Variants in CACNA1D observed in about 807,000 individuals in gnomAD.
The protein encoded by CACNA1D is calcium voltage-gated channel subunit alpha1 D, also known as voltage-dependent L-type calcium channel subunit alpha-1D.
A neutral mutation model predicts 257.1 loss-of-function variants in CACNA1D; 55 were observed. That is an observed-to-expected ratio of 0.21 (90% CI 0.17 to 0.27). CACNA1D has a LOEUF of 0.27. Ranked by LOEUF, CACNA1D falls within the 10% of genes least tolerant of loss-of-function variation. CACNA1D has a pLI of 1.00. For missense variants in CACNA1D, 1,876 were observed against 2,784.0 expected (o/e 0.67, Z 7.34); for synonymous variants, 980 against 1,014.9 (o/e 0.97, Z 0.65).
intron 23 of CACNA1D, 115 bp from the exon 24 acceptor site, chr3:53,745,509 G>A: frequency 1.4e-6 from 1 of 700,998 alleles, no homozygotes; most frequent in Non-Finnish European, 2.6e-6. Context: ...CCAAAGTGCT[G>A]GGATTAGAGG....
At chr3:53,563,595 T>C (rs2092780616) in intron 3 of CACNA1D, among the ~76,000 whole-genome samples, 1 of 151,884 alleles carries the variant, frequency 6.6e-6, no homozygotes, top group African/African-American at 2.4e-5. Flanking sequence ...TTACCACATA[T>C]GTTTTAATTC....
intron 39 of CACNA1D, chr3:53,783,174 A>G (rs1576652903): frequency 6.6e-6 from 1 of 152,080 alleles, no homozygotes; most frequent in Admixed American, 6.6e-5. Context: ...CCCTCGCTCC[A>G]CCTCACATCT....
intron 8 of CACNA1D, among the ~76,000 whole-genome samples, chr3:53,695,716 A>C: frequency 6.6e-6 from 1 of 152,046 alleles, no homozygotes; most frequent in East Asian, 1.9e-4. Flanking sequence ...TGTGTTTTTG[A>C]CCACATTGGT....
rs1241586956 is a variant in CACNA1D at position 53,770,505 on chromosome 3, G to A, written c.3997G>A (p.Gly1333Arg). 2 of 1,613,804 alleles carry A rather than the reference G, an allele frequency of 1.2e-6. No homozygotes were observed. The highest frequency in any genetic ancestry group is 1.7e-6 in the Non-Finnish European group (2 of 1,179,686). Residue 1333 changes from glycine to arginine, a missense_variant, in exon 32 of 48, where the codon GGG becomes AGG. Gly to Arg is a moderately radical substitution (Grantham distance 125). Around this residue, in one of 10 missense-constraint regions of CACNA1D, gnomAD observed 204 missense variants for 309.4 expected, o/e 0.66. Transcript: ENST00000350061. ...VMRLVKLLSRGEGIRTLLWTF... is the reference protein window; with the variant it reads ...VMRLVKLLSRREGIRTLLWTF... ...GCGATTGGTGAAGCTTCTCAGCAGG[G>A]GGGAAGGCATCCGGACATTGCTGTG...
At chr3:53,745,175 G>A (rs1171266396) in intron 23 of CACNA1D, among the ~76,000 whole-genome samples, 1 of 151,096 alleles carries the variant, frequency 6.6e-6, no homozygotes, top group Non-Finnish European at 1.5e-5. Context: ...GTTTTCCTGA[G>A]TCATTTATGG....
chr3:53,741,852 T>A (rs1048272319), intron 21 of CACNA1D, among the ~76,000 whole-genome samples: 1 of 152,264 alleles, frequency 6.6e-6, no homozygotes, highest in Non-Finnish European at 1.5e-5. Flanking sequence ...CCACATTTTT[T>A]AGTTGTTAAA....
chr3:53,801,007 T>G, intron 41 of CACNA1D, 51 bp from the exon 42 acceptor site: 1 of 1,596,968 alleles, frequency 6.3e-7, no homozygotes, highest in South Asian at 1.1e-5. Context: ...ATAGCTAGTC[T>G]GCATCAAATA....
At chr3:53,606,934 T>G (rs2093518258) in intron 3 of CACNA1D, among the ~76,000 whole-genome samples, 1 of 152,272 alleles carries the variant, frequency 6.6e-6, no homozygotes. Flanking sequence ...TGAAATGATA[T>G]AGAATGTAAT....
chr3:53,535,628 A>G (rs890379711), intron 3 of CACNA1D, among the ~76,000 whole-genome samples: 2 of 152,158 alleles, frequency 1.3e-5, no homozygotes, highest in African/African-American at 4.8e-5. Flanking sequence ...TGAGGTTGCA[A>G]AAAGCAAACA....
intron 3 of CACNA1D, among the ~76,000 whole-genome samples, chr3:53,562,843 T>A (rs2092764957): frequency 6.6e-6 from 1 of 152,182 alleles, no homozygotes; most frequent in African/African-American, 2.4e-5. Context: ...TATGAACACA[T>A]CCCATCCCCA....
chr3:53,530,973 G>A (rs902736076), intron 3 of CACNA1D, among the ~76,000 whole-genome samples: 19 of 151,068 alleles, frequency 1.3e-4, no homozygotes, highest in Non-Finnish European at 2.2e-4. Flanking sequence ...TCAGCCTCCC[G>A]AGTAGCTGGG....
intron 39 of CACNA1D, 95 bp from the exon 40 acceptor site, chr3:53,786,727 C>CCCCT: frequency 3.2e-6 from 2 of 631,220 alleles, no homozygotes; most frequent in Non-Finnish European, 5.5e-6. Context: ...ACCCGCCCCA[C>CCCCT]TCTGCCCCTG....
Position 53,805,025 on chromosome 3 carries a change from C to A in CACNA1D, c.5628C>A (p.Ile1876=). 6 of 1,614,120 alleles carry A rather than the reference C, an allele frequency of 3.7e-6. No individual in the cohort carries two copies. The highest frequency in any genetic ancestry group is 4.2e-6 in the Non-Finnish European group (5 of 1,179,992). The change falls in exon 45 of 48, where the codon ATC becomes ATA. Residue 1876 remains isoleucine, a synonymous_variant. Coordinates refer to ENST00000350061, the MANE Select transcript of CACNA1D (RefSeq NM_001128840.3). ...ACAGCAGATACCCAGGCAGAAACAT[C>A]GACTCTGAGAGGCCCCGAGGCTACC... ...GYYSRYPGRN[I]DSERPRGYHH...
chr3:53,577,296 A>C (rs1223714073), intron 3 of CACNA1D, among the ~76,000 whole-genome samples: 1 of 152,012 alleles, frequency 6.6e-6, no homozygotes, highest in East Asian at 1.9e-4. Flanking sequence ...GGTGCAGCTG[A>C]CCTCAGGTGG....
intron 34 of CACNA1D, 123 bp from the exon 35 acceptor site, chr3:53,775,763 C>A: frequency 1.0e-6 from 1 of 954,426 alleles, no homozygotes; most frequent in Non-Finnish European, 1.7e-6. Flanking sequence ...TCCATTAATT[C>A]AAATTGGATT....
intron 3 of CACNA1D, among the ~76,000 whole-genome samples, chr3:53,517,727 C>A (rs1204024220): frequency 6.6e-6 from 1 of 152,140 alleles, no homozygotes; most frequent in East Asian, 1.9e-4. Flanking sequence ...TGTGATCCAC[C>A]CATCTCAGCC....
intron 3 of CACNA1D, among the ~76,000 whole-genome samples, chr3:53,613,535 C>T (rs1198124933): frequency 1.6e-5 from 2 of 125,136 alleles, no homozygotes; most frequent in Non-Finnish European, 3.2e-5. Context: ...ATATAATTGG[C>T]ACGGCCATCT....
intron 3 of CACNA1D, among the ~76,000 whole-genome samples, chr3:53,557,529 C>T (rs1431898125): frequency 6.6e-6 from 1 of 152,092 alleles, no homozygotes; most frequent in Non-Finnish European, 1.5e-5. Context: ...CTGTGTTCTA[C>T]TTAGATTTAA....
At chr3:53,625,188 G>A (rs1576138803) in intron 3 of CACNA1D, among the ~76,000 whole-genome samples, 1 of 152,270 alleles carries the variant, frequency 6.6e-6, no homozygotes, top group East Asian at 1.9e-4. Context: ...CGGGTCTTGA[G>A]GTCCTGACAT....
Sources: allele counts gnomAD v4.1 joint callset (sites outside exome capture counted in the v4.1 genomes callset), GRCh38; gene constraint gnomAD v4.1.1; regional missense constraint gnomAD v4.1.1; transcripts MANE v1.5; gene names NCBI Gene and HGNC (gene_info 2026-07-23, HGNC 2026-07-21).